MDM2: variants seen among roughly 807,000 people sequenced by gnomAD.
MDM2 encodes the protein MDM2 proto-oncogene.
Under a neutral mutation model 64.3 loss-of-function variants are expected in MDM2, and 11 were observed. That is an observed-to-expected ratio of 0.17 (90% CI 0.11 to 0.28). MDM2 has a LOEUF of 0.28. Among genes scored for constraint, MDM2 ranks in the 10% least tolerant of loss-of-function variants. MDM2 has a pLI of 1.00. For missense variants in MDM2, 388 were observed against 577.1 expected (o/e 0.67, Z 3.36); for synonymous variants, 194 against 192.9 (o/e 1.01, Z -0.05).
chr12:68,829,072 A>G (rs1882584827), intron 8 of MDM2, 141 bp downstream of exon 8: 14 of 840,948 alleles, frequency 1.7e-5, no homozygotes, highest in Non-Finnish European at 2.4e-5. Context: ...CTTTAAAATA[A>G]AACTACTATA....
At chr12:68,846,399 T>A (rs546814823), downstream of MDM2, 9 of 152,338 alleles carry the variant, frequency 5.9e-5, no homozygotes, top group African/African-American at 2.2e-4. Context: ...AAATTTCACC[T>A]TTTAAATTTA....
Position 68,834,930 on chromosome 12 carries a change from T to C in MDM2, c.685-899T>C, listed in dbSNP as rs188224697. Among the ~76,000 whole-genome samples the C allele has an allele frequency of 4.2e-4, 64 of 152,300 alleles. No individual in the cohort carries two copies. In the East Asian group the frequency reaches 0.01, roughly 25 times the overall value. ...TCTTACTAGGTTCTTATACAATTTA[T>C]TGAAGTCCTGAAACGAAGAATCAGA... On this transcript the variant is annotated intron_variant, in intron 8 of 10. Coordinates refer to ENST00000258149, the MANE Select transcript of MDM2 (RefSeq NM_002392.6).
At chr12:68,819,939 C>CT (rs999291460) in intron 4 of MDM2, among the ~76,000 whole-genome samples, 20 of 151,972 alleles carry the variant, frequency 1.3e-4, no homozygotes, top group African/African-American at 1.9e-4. Flanking sequence ...TAACTCAATG[C>CT]TTTTTTTTGG....
intron 4 of MDM2, among the ~76,000 whole-genome samples, chr12:68,819,568 C>T (rs887667876): frequency 1.3e-5 from 2 of 152,094 alleles, no homozygotes; most frequent in South Asian, 2.1e-4. Context: ...CTTGGCTCAC[C>T]GCAACCTCTG....
rs1592606863 is a variant in MDM2 at position 68,842,656 on chromosome 12, T to TAGC, written c.*2807_*2808insAGC. 1 of 216,274 alleles carries TAGC rather than the reference T, an allele frequency of 4.6e-6. No individual in the cohort carries two copies. The highest frequency in any genetic ancestry group is 7.1e-5 in the East Asian group (1 of 14,102). 13.4% of individuals were successfully genotyped at this position (216,274 alleles called of 1,614,324 possible). On this transcript the variant is annotated 3_prime_UTR_variant, in exon 11 of 11. Transcript: ENST00000258149. ...ATTTGGTTAATGGTACTAGACAACA[T>TAGC]GTAATTAATGACATTCAAAAATTTA...
rs1242679966 is a variant in MDM2, at chr12:68,808,501, C to T, written c.14+10C>T. ...GGATGGTGAGGAGCAGGTACTGGCCCGGCAGCGAGCGGTCACTTTTGGGTC... is the reference window on the plus strand; with the variant it reads ...GGATGGTGAGGAGCAGGTACTGGCCTGGCAGCGAGCGGTCACTTTTGGGTC... On this transcript the variant is annotated intron_variant, in intron 1 of 10. Coordinates refer to ENST00000258149, the MANE Select transcript of MDM2 (RefSeq NM_002392.6). The T allele has an allele frequency of 6.2e-7, 1 of 1,614,072 alleles. No homozygotes were observed. Among genetic ancestry groups the T allele is most frequent in the Non-Finnish European group, 8.5e-7 (1 of 1,179,970 alleles).
Position 68,839,396 on chromosome 12 carries a change from C to A in MDM2, c.1041C>A (p.Ile347=). Residue 347 remains isoleucine, a synonymous_variant, in exon 11 of 11, where the codon ATC becomes ATA. Coordinates refer to ENST00000258149, the MANE Select transcript of MDM2 (RefSeq NM_002392.6). ...ATAAAGGGAAAGATAAAGGGGAAAT[C>A]TCTGAGAAAGCCAAACTGGAAAACT... ...PEDKGKDKGE[I]SEKAKLENST... is the part of the protein sequence containing the mutation. The A allele has an allele frequency of 1.9e-6, 3 of 1,613,824 alleles. No homozygotes were observed. Among genetic ancestry groups the A allele is most frequent in the Non-Finnish European group, 1.7e-6 (2 of 1,179,998 alleles).
chr12:68,849,083 AC>A (rs1884522025), downstream of MDM2: 1 of 146,830 alleles, frequency 6.8e-6, no homozygotes, highest in African/African-American at 2.6e-5. Context: ...GTGTCCACTA[AC>A]GGTAGACCCT....
rs529471901 is a variant in MDM2 at position 68,828,431 on chromosome 12, A to G, written c.524-340A>G. 6.2e-5 allele frequency: 12 copies of G among 194,860 alleles called. No homozygotes were observed. The East Asian group carries it at 8.2e-4, about 13-fold the overall frequency. The allele number at this position is 194,860 out of a possible 1,614,324, so 12.1% of individuals were successfully genotyped here. ...AAAAAATACAAAATGGTGCATTCCTATGGTACCGTTCCTATGGTACCAGCT... is the reference window on the plus strand; with the variant it reads ...AAAAAATACAAAATGGTGCATTCCTGTGGTACCGTTCCTATGGTACCAGCT... On this transcript the variant is annotated intron_variant, in intron 7 of 10. Transcript: ENST00000258149.
At chr12:68,846,746 T>C (rs899744170), downstream of MDM2, 1 of 152,156 alleles carries the variant, frequency 6.6e-6, no homozygotes, top group East Asian at 1.9e-4. Flanking sequence ...TTTCAAACCT[T>C]TTTTGCTTAA....
At position 68,835,972 on chromosome 12, in the gene MDM2, T is replaced by A. The variant is rs1300121209; in HGVS notation, c.828T>A (p.Asp276Glu). The A allele has an allele frequency of 1.2e-6, 2 of 1,606,370 alleles. No homozygotes were observed. The highest frequency in any genetic ancestry group is 1.7e-6 in the Non-Finnish European group (2 of 1,176,322). ...GTGAAGAAGGACAAGAACTCTCAGA[T>A]GAAGATGATGAGGTAGTATTTTTTT... ...SLSEEGQELSDEDDEVYQVTV... is the reference protein window; with the variant it reads ...SLSEEGQELSEEDDEVYQVTV... The change falls in exon 9 of 11, where the codon GAT (aspartate) becomes GAA (glutamate). Residue 276 changes from aspartate to glutamate, a missense_variant. Physicochemically the swap from Asp to Glu is conservative, Grantham distance 45. Transcript: ENST00000258149.
chr12:68,837,915 G>C (rs1358950034), intron 10 of MDM2, among the ~76,000 whole-genome samples: 3 of 152,030 alleles, frequency 2.0e-5, no homozygotes, highest in Admixed American at 1.3e-4. Context: ...GAAAATTCAA[G>C]AGTTTCCAAA....
rs1048631623 is a variant in MDM2, at chr12:68,842,131, A to G, written c.*2282A>G. 6.8e-6 allele frequency: 3 copies of G among 440,078 alleles called. No homozygotes were observed. The highest frequency in any genetic ancestry group is 4.0e-5 in the African/African-American group (2 of 49,764). The allele number at this position is 440,078 out of a possible 1,614,324, so 27.3% of individuals were successfully genotyped here. Reference sequence around the variant, plus strand: ...TACAGTGGATTTGAATTTGAAAAATATAGTAACAAGCCTGTCAAATATCTG... The same window carrying G: ...TACAGTGGATTTGAATTTGAAAAATGTAGTAACAAGCCTGTCAAATATCTG... On this transcript the variant is annotated 3_prime_UTR_variant, in exon 11 of 11. Coordinates refer to ENST00000258149, the MANE Select transcript of MDM2 (RefSeq NM_002392.6).
chr12:68,833,334 A>ATATATATATTTATATAAAT (rs1565744217), intron 8 of MDM2, among the ~76,000 whole-genome samples: 2 of 54,652 alleles, frequency 3.7e-5, no homozygotes, highest in Non-Finnish European at 9.0e-5. Context: ...TAAATATAAA[A>ATATATATATTTATATAAAT]ATATATATTT....
At chr12:68,829,854 A>G (rs1019443193) in intron 8 of MDM2, among the ~76,000 whole-genome samples, 16 of 152,322 alleles carry the variant, frequency 1.1e-4, no homozygotes, top group Non-Finnish European at 1.5e-4. Context: ...GACTTCCAAA[A>G]TATTAGTGAG....
chr12:68,808,426 A>T lies in MDM2; in HGVS notation c.-52A>T. ...CGTCGTGCTTCCGCGCGCCCCGTGA[A>T]GGAAACTGGGGAGTCTTGAGGGACC... On this transcript the variant is annotated 5_prime_UTR_variant, in exon 1 of 11. In the 5' UTR this introduces an upstream ATG that the reference lacks. Transcript: ENST00000258149. 6.2e-7 allele frequency: 1 copy of T among 1,613,572 alleles called. No individual in the cohort carries two copies.
At chr12:68,835,692 C>T (rs1271481999) in intron 8 of MDM2, 137 bp from the exon 9 acceptor site, 4 of 770,684 alleles carry the variant, frequency 5.2e-6, no homozygotes, top group Middle Eastern at 8.0e-4. Flanking sequence ...TCGGGAAGTC[C>T]CGGATCAGAG....
At chr12:68,814,624 TC>T in intron 3 of MDM2, 1 of 411,190 alleles carries the variant, frequency 2.4e-6, no homozygotes, top group Admixed American at 3.1e-5. Flanking sequence ...CATCCCTGGA[TC>T]CCAGGTTAAG....
At chr12:68,818,249 G>GAT (rs1214553125) in intron 4 of MDM2, among the ~76,000 whole-genome samples, 3 of 152,026 alleles carry the variant, frequency 2.0e-5, no homozygotes, top group African/African-American at 7.2e-5. Flanking sequence ...CTGAAAAGAT[G>GAT]ATAATTAAAT....
Sources: gnomAD v4.1 joint callset for allele counts (sites outside exome capture counted in the v4.1 genomes callset) on GRCh38, gnomAD v4.1.1 for gene constraint, MANE v1.5 for transcripts, NCBI Gene and HGNC (gene_info 2026-07-23, HGNC 2026-07-21) for gene names.